ZNF423: variants seen among roughly 807,000 people sequenced by gnomAD.
ZNF423 encodes the protein Ebf-associated zinc finger protein.
ZNF423 carries 12 observed loss-of-function variants against 95.8 expected under a neutral mutation model. The ratio of observed to expected loss-of-function variants is 0.13; its 90% CI spans 0.08 to 0.20. The LOEUF is 0.20. ZNF423 is among the 10% of genes least tolerant of loss of function. ZNF423 has a pLI of 1.00. For missense variants in ZNF423, 1,316 were observed against 1,737.1 expected, an observed-to-expected ratio of 0.76 and a Z score of 4.31; for synonymous variants, 749 against 711.9, an observed-to-expected ratio of 1.05 and a Z score of -0.83.
rs543026173 is a variant in ZNF423, at chr16:49,551,633, C to T, written c.3602-26139G>A. The stretch of plus-strand genomic sequence containing the variant: ...TCAGACCTGCACCTGCTGCAAAACA[C>T]GCAGGGTGCATGGAAGCTGGGATCC... On this transcript the variant is annotated intron_variant, in intron 5 of 7. Transcript: ENST00000563137. Among the ~76,000 whole-genome samples, 6 of 152,238 alleles carry T rather than the reference C, an allele frequency of 3.9e-5. No individual in the cohort carries two copies. The South Asian group carries it at 6.2e-4, about 16-fold the overall frequency.
intron 7 of ZNF423, among the ~76,000 whole-genome samples, chr16:49,496,246 TA>T (rs1967161608): frequency 6.6e-6 from 1 of 152,242 alleles, no homozygotes; most frequent in South Asian, 2.1e-4. Flanking sequence ...GGGTGGTTAA[TA>T]ACACAGCCCT....
intron 3 of ZNF423, among the ~76,000 whole-genome samples, chr16:49,688,662 A>T (rs1445928985): frequency 2.6e-5 from 4 of 152,268 alleles, no homozygotes; most frequent in African/African-American, 9.6e-5. Flanking sequence ...AAGCATTTAC[A>T]GCACTCATGC....
At chr16:49,557,654 T>TG (rs1969876054) in intron 5 of ZNF423, among the ~76,000 whole-genome samples, 1 of 152,124 alleles carries the variant, frequency 6.6e-6, no homozygotes, top group Admixed American at 6.5e-5. Context: ...TGCCAGGTGA[T>TG]GGGGCGGTTT....
chr16:49,680,389 T>C (rs1037059156), intron 3 of ZNF423, among the ~76,000 whole-genome samples: 2 of 152,232 alleles, frequency 1.3e-5, no homozygotes. Context: ...GACAAGAACT[T>C]GGTACGTGCT....
At chr16:49,734,930 T>C (rs1034756094) in intron 2 of ZNF423, among the ~76,000 whole-genome samples, 9 of 152,258 alleles carry the variant, frequency 5.9e-5, no homozygotes, top group African/African-American at 2.2e-4. Flanking sequence ...AAAGCAGAGC[T>C]CTGGGAAGTG....
At position 49,783,459 on chromosome 16, in the gene ZNF423, G is replaced by C. The variant is rs545295263; in HGVS notation, c.100+6028C>G. On this transcript the variant is annotated intron_variant, in intron 2 of 7. Transcript: ENST00000563137. ...AGGCTGGGATGGGCGGGAAAGAGGG[G>C]GGTTAGGGTTAGGGTTAGAGTAGGG... Among the ~76,000 whole-genome samples the C allele has an allele frequency of 1.6e-3, 230 of 143,312 alleles. 3 individuals carry two copies. The highest frequency in any genetic ancestry group is 2.3e-3 in the Admixed American group (33 of 14,432). The allele number at this position is 143,312 out of a possible 152,430, so 94.0% of individuals were successfully genotyped here.
At position 49,789,476 on chromosome 16, in the gene ZNF423, C is replaced by T. The variant is rs547602124; in HGVS notation, c.100+11G>A. Reference sequence around the variant, plus strand: ...CCCCTGCAACTCTTCCACCAGCCCCCGGGCATTTACCTGCTGCTGTCACGG... The same window carrying T: ...CCCCTGCAACTCTTCCACCAGCCCCTGGGCATTTACCTGCTGCTGTCACGG... On this transcript the variant is annotated intron_variant, in intron 2 of 7. Coordinates refer to ENST00000563137, the MANE Select transcript of ZNF423 (RefSeq NM_001379286.1). 30 of 1,611,258 alleles carry T rather than the reference C, an allele frequency of 1.9e-5. No individual in the cohort carries two copies. In the African/African-American group the frequency reaches 2.9e-4, roughly 16 times the overall value.
chr16:49,684,125 G>A (rs2031474856), intron 3 of ZNF423, among the ~76,000 whole-genome samples: 1 of 152,146 alleles, frequency 6.6e-6, no homozygotes, highest in African/African-American at 2.4e-5. Context: ...GACCACAGAT[G>A]CAGGTCAGAC....
Position 49,735,867 on chromosome 16 carries a change from C to T in ZNF423, c.101-4896G>A, listed in dbSNP as rs2033274561. On this transcript the variant is annotated intron_variant, in intron 2 of 7. Coordinates refer to ENST00000563137, the MANE Select transcript of ZNF423 (RefSeq NM_001379286.1). ...TGCGGCTGCAACTGTACAAGAAACA[C>T]CCAGTGAGACTGCCAGCTGAACCCA... Among the ~76,000 whole-genome samples, 3 of 152,216 alleles carry T rather than the reference C, an allele frequency of 2.0e-5. No individual in the cohort carries two copies. In the South Asian group the frequency reaches 6.2e-4, roughly 32 times the overall value.
chr16:49,657,686 A>G (rs1209432768), intron 3 of ZNF423, among the ~76,000 whole-genome samples: 2 of 152,186 alleles, frequency 1.3e-5, no homozygotes, highest in South Asian at 2.1e-4. Context: ...CAGGCTCAAC[A>G]CTGCACCCCA....
chr16:49,802,509 G>A (rs1052101522), intron 1 of ZNF423, among the ~76,000 whole-genome samples: 11 of 152,176 alleles, frequency 7.2e-5, no homozygotes, highest in Admixed American at 7.2e-4. Context: ...CCAACATCAA[G>A]CTACCAAACA....
chr16:49,544,371 G>A (rs544575205), intron 5 of ZNF423, among the ~76,000 whole-genome samples: 4 of 152,178 alleles, frequency 2.6e-5, no homozygotes, highest in Admixed American at 1.3e-4. Flanking sequence ...CTGAACGTAC[G>A]CTATACTTCA....
chr16:49,608,871 T>G (rs750362203), intron 5 of ZNF423, among the ~76,000 whole-genome samples: 1 of 152,168 alleles, frequency 6.6e-6, no homozygotes, highest in African/African-American at 2.4e-5. Flanking sequence ...GAGACTGCCG[T>G]GCTGGCAAGG....
In ZNF423 at chr16:49,787,045, C is replaced by T. The variant is rs372122532; in HGVS notation, c.100+2442G>A. On this transcript the variant is annotated intron_variant, in intron 2 of 7. Coordinates refer to ENST00000563137, the MANE Select transcript of ZNF423 (RefSeq NM_001379286.1). The stretch of plus-strand genomic sequence containing the variant: ...TGGCACCCACCTCACAGAGCTGTCA[C>T]GATGGCTCAGCGAGATGCTGCAGGT... Among the ~76,000 whole-genome samples, 12 of 152,288 alleles carry T rather than the reference C, an allele frequency of 7.9e-5. No individual in the cohort carries two copies. The South Asian group carries it at 2.5e-3, about 32-fold the overall frequency.
intron 7 of ZNF423, among the ~76,000 whole-genome samples, chr16:49,511,442 A>G (rs1967891338): frequency 6.6e-6 from 1 of 152,106 alleles, no homozygotes; most frequent in South Asian, 2.1e-4. Flanking sequence ...CTGGCCTCAC[A>G]TTTCTCCACG....
At chr16:49,670,443 G>T (rs1306437433) in intron 3 of ZNF423, among the ~76,000 whole-genome samples, 7 of 152,242 alleles carry the variant, frequency 4.6e-5, no homozygotes, top group Admixed American at 1.3e-4. Context: ...CTGTGGCCCT[G>T]TAAGGATGGG....
intron 3 of ZNF423, among the ~76,000 whole-genome samples, chr16:49,652,628 C>T (rs894396009): frequency 2.0e-5 from 3 of 152,234 alleles, no homozygotes; most frequent in Non-Finnish European, 4.4e-5. Flanking sequence ...CTTCATGAAG[C>T]AACACCGCCA....
At chr16:49,521,933 C>T (rs751703085) in intron 7 of ZNF423, among the ~76,000 whole-genome samples, 4 of 152,222 alleles carry the variant, frequency 2.6e-5, no homozygotes, top group Admixed American at 1.3e-4. Context: ...TGCAGACAGG[C>T]GGGCCCAGGC....
chr16:49,735,752 A>C (rs774255196), intron 2 of ZNF423, among the ~76,000 whole-genome samples: 1 of 152,214 alleles, frequency 6.6e-6, no homozygotes, highest in Non-Finnish European at 1.5e-5. Context: ...AACAGCTCCC[A>C]GCTTCCAGCA....
Sources: gnomAD v4.1 joint callset for allele counts (sites outside exome capture counted in the v4.1 genomes callset) on GRCh38, gnomAD v4.1.1 for gene constraint, MANE v1.5 for transcripts, NCBI Gene and HGNC (gene_info 2026-07-23, HGNC 2026-07-21) for gene names.